The following HS3ST4 variants were observed in gnomAD, a reference collection of about 807,000 sequenced individuals.
HS3ST4 encodes the protein heparan sulfate glucosamine 3-O-sulfotransferase 4.
A neutral mutation model predicts 29.2 loss-of-function variants in HS3ST4; 17 were observed. The ratio of observed to expected loss-of-function variants is 0.58; its 90% CI spans 0.40 to 0.87. The LOEUF is 0.87. HS3ST4 is among the 40% of genes least tolerant of loss of function. The pLI is 0.00. For missense variants in HS3ST4, 627 were observed against 634.5 expected (o/e 0.99, Z 0.13); for synonymous variants, 314 against 285.7 (o/e 1.10, Z -1.00).
chr16:25,828,301 C>CTTTCTTTCTCT lies in HS3ST4; in HGVS notation c.734+135150_734+135151insTTTCTTTCTCT, dbSNP rs1555467593. ...CTTTCTTTCTTTCTTTCTTTCTTTC[C>CTTTCTTTCTCT]CTCTCTCTCTCTCTCTCTCTCTCTC... On this transcript the variant is annotated intron_variant, in intron 1 of 1. Transcript: ENST00000331351. 2.1e-4 allele frequency among the ~76,000 whole-genome samples: 7 copies of CTTTCTTTCTCT among 32,882 alleles called. 1 individual carries two copies. The highest frequency in any genetic ancestry group is 3.3e-4 in the Non-Finnish European group (6 of 18,218). The allele number at this position is 32,882 out of a possible 152,430, so 21.6% of individuals were successfully genotyped here. A position where few individuals can be genotyped will look rare whatever the true frequency, so the allele number is the denominator to read the frequency against.
chr16:26,048,124 G>A (rs181148925), intron 1 of HS3ST4, among the ~76,000 whole-genome samples: 1 of 152,192 alleles, frequency 6.6e-6, no homozygotes, highest in Admixed American at 6.5e-5. Context: ...CTTCCCTTTG[G>A]GTGTCTGTGT....
At chr16:25,936,393 G>A (rs12933515) in intron 1 of HS3ST4, among the ~76,000 whole-genome samples, 83,058 of 151,970 alleles carry the variant, frequency 0.55, 23,445 homozygotes, top group African/African-American at 0.61. Flanking sequence ...AAGTTAAAGC[G>A]CTAGAGAGAC....
chr16:25,783,091 T>A (rs1192045006), intron 1 of HS3ST4, among the ~76,000 whole-genome samples: 2 of 152,208 alleles, frequency 1.3e-5, no homozygotes, highest in African/African-American at 4.8e-5. Flanking sequence ...TCTGCCTGGC[T>A]CCAATTTATC....
intron 1 of HS3ST4, among the ~76,000 whole-genome samples, chr16:25,999,081 A>G (rs1022020966): frequency 5.3e-5 from 8 of 152,008 alleles, no homozygotes; most frequent in African/African-American, 1.9e-4. Context: ...AGTTCTGATT[A>G]TTTATATTTT....
At chr16:25,717,606 G>A (rs1480626304) in intron 1 of HS3ST4, among the ~76,000 whole-genome samples, 1 of 151,226 alleles carries the variant, frequency 6.6e-6, no homozygotes, top group Non-Finnish European at 1.5e-5. Context: ...ACAGTGGGAA[G>A]GTGCATCGCA....
chr16:25,853,697 A>C (rs1967544150), intron 1 of HS3ST4, among the ~76,000 whole-genome samples: 1 of 152,190 alleles, frequency 6.6e-6, no homozygotes, highest in Admixed American at 6.6e-5. Context: ...CATACATTGA[A>C]CCATCCCAGG....
chr16:25,843,681 T>A (rs1967437829), intron 1 of HS3ST4, among the ~76,000 whole-genome samples: 1 of 152,214 alleles, frequency 6.6e-6, no homozygotes, highest in Admixed American at 6.5e-5. Flanking sequence ...GTGGGGTATC[T>A]GTCTAATGAT....
chr16:26,101,484 C>G (rs1042494972), intron 1 of HS3ST4, among the ~76,000 whole-genome samples: 1 of 152,216 alleles, frequency 6.6e-6, no homozygotes, highest in Non-Finnish European at 1.5e-5. Flanking sequence ...GTCCATCATC[C>G]CAGTGTCCGG....
At chr16:25,815,676 A>G (rs1967086452) in intron 1 of HS3ST4, among the ~76,000 whole-genome samples, 1 of 152,190 alleles carries the variant, frequency 6.6e-6, no homozygotes, top group African/African-American at 2.4e-5. Flanking sequence ...GAACCCTCCT[A>G]GGGCCTTGGA....
At chr16:25,795,148 T>A (rs1322693682) in intron 1 of HS3ST4, among the ~76,000 whole-genome samples, 3 of 151,924 alleles carry the variant, frequency 2.0e-5, no homozygotes, top group East Asian at 3.9e-4. Context: ...ATTTTTTGTA[T>A]TTTTAGTAGA....
At chr16:26,026,202 C>T (rs780671631) in intron 1 of HS3ST4, among the ~76,000 whole-genome samples, 19 of 152,312 alleles carry the variant, frequency 1.2e-4, no homozygotes, top group African/African-American at 2.9e-4. Flanking sequence ...CCACCGCACC[C>T]GGCCGGAAAC....
At chr16:25,841,355 A>G (rs975825299) in intron 1 of HS3ST4, among the ~76,000 whole-genome samples, 2 of 152,098 alleles carry the variant, frequency 1.3e-5, no homozygotes, top group Admixed American at 6.6e-5. Context: ...GCTGGAGTGC[A>G]GTGGCGTGAT....
chr16:25,693,386 C>T (rs1966271680), intron 1 of HS3ST4, among the ~76,000 whole-genome samples: 2 of 152,152 alleles, frequency 1.3e-5, no homozygotes, highest in South Asian at 4.1e-4. Context: ...TGCCCTGCCT[C>T]CCGCGCTCCT....
At chr16:25,902,870 G>A (rs1273372873) in intron 1 of HS3ST4, among the ~76,000 whole-genome samples, 1 of 152,110 alleles carries the variant, frequency 6.6e-6, no homozygotes, top group Non-Finnish European at 1.5e-5. Flanking sequence ...GGCTGACGCA[G>A]ATGGATTGCT....
chr16:26,044,410 A>T (rs945973549), intron 1 of HS3ST4, among the ~76,000 whole-genome samples: 4 of 152,120 alleles, frequency 2.6e-5, no homozygotes. Context: ...TTCCTATGTG[A>T]TGGAGCCTTT....
rs79736207 is a variant in HS3ST4, at chr16:25,733,840, C to T, written c.734+40689C>T. Among the ~76,000 whole-genome samples the T allele has an allele frequency of 8.5e-3, 1,300 of 152,162 alleles. 5 individuals are homozygous for T. Among genetic ancestry groups the T allele is most frequent in the African/African-American group, 0.019 (775 of 41,530 alleles). On this transcript the variant is annotated intron_variant, in intron 1 of 1. Coordinates refer to ENST00000331351, the MANE Select transcript of HS3ST4 (RefSeq NM_006040.3). ...TTCAGCTCAAAGACACATTGGGTGCCGGACGCAGTGGCTCACGCCTGTAAT... is the reference window on the plus strand; with the variant it reads ...TTCAGCTCAAAGACACATTGGGTGCTGGACGCAGTGGCTCACGCCTGTAAT...
At chr16:26,135,550 A>G in intron 1 of HS3ST4, 62 bp from the exon 2 acceptor site, 1 of 1,477,546 alleles carries the variant, frequency 6.8e-7, no homozygotes, top group Non-Finnish European at 9.0e-7. Context: ...ATTTTGTGCA[A>G]AGAAGTTCAG....
At chr16:26,010,323 G>T (rs1046890563) in intron 1 of HS3ST4, among the ~76,000 whole-genome samples, 1 of 152,054 alleles carries the variant, frequency 6.6e-6, no homozygotes, top group Non-Finnish European at 1.5e-5. Context: ...GTACAGTGGC[G>T]TGCTCCTGTA....
chr16:25,716,084 G>A (rs1966452236), intron 1 of HS3ST4, among the ~76,000 whole-genome samples: 4 of 152,154 alleles, frequency 2.6e-5, no homozygotes, highest in Admixed American at 2.6e-4. Flanking sequence ...GATGGTAGTG[G>A]TTTTTCTTAA....
Sources: allele counts gnomAD v4.1 joint callset (sites outside exome capture counted in the v4.1 genomes callset), GRCh38; gene constraint gnomAD v4.1.1; transcripts MANE v1.5; gene names NCBI Gene and HGNC (gene_info 2026-07-23, HGNC 2026-07-21).